CREBBP: variants seen among roughly 807,000 people sequenced by gnomAD.
The protein encoded by CREBBP is CREB-binding protein.
A neutral mutation model predicts 265.0 loss-of-function variants in CREBBP; 19 were observed. That is an observed-to-expected ratio of 0.07 (90% CI 0.05 to 0.11). CREBBP has a LOEUF of 0.11. Among genes scored for constraint, CREBBP ranks in the 10% least tolerant of loss-of-function variants. The probability of loss-of-function intolerance (pLI) is 1.00; values close to 1 mark genes in which losing one functional copy is unlikely to be tolerated. For synonymous variants in CREBBP, 1,457 were observed against 1,223.7 expected (o/e 1.19, Z -3.98); for missense variants, 2,525 against 3,219.0 (o/e 0.78, Z 5.22).
chr16:3,833,829 AAGAGAATG>A (rs1201747616), intron 2 of CREBBP, among the ~76,000 whole-genome samples: 1 of 152,214 alleles, frequency 6.6e-6, no homozygotes, highest in Non-Finnish European at 1.5e-5. Context: ...AGATAATGTC[AAGAGAATG>A]AGAAGACAAT....
At position 3,725,555 on chromosome 16, in the gene CREBBP, A is replaced by C. The variant is rs1165904520; in HGVS notation, c.*2163T>G. 4.3e-6 allele frequency: 1 copy of C among 233,326 alleles called. No individual in the cohort carries two copies. Among genetic ancestry groups the C allele is most frequent in the African/African-American group, 2.2e-5 (1 of 45,476 alleles). 14.5% of individuals were successfully genotyped at this position (233,326 alleles called of 1,614,324 possible). A position where few individuals can be genotyped will look rare whatever the true frequency, so the allele number is the denominator to read the frequency against. On this transcript the variant is annotated 3_prime_UTR_variant, in exon 31 of 31. Transcript: ENST00000262367. Reference sequence around the variant, plus strand: ...ACCCAGCAGGCCGAGCAGTGGCAGCAATCTCCACCGGAGGCCCGGCCTGTG... The same window carrying C: ...ACCCAGCAGGCCGAGCAGTGGCAGCCATCTCCACCGGAGGCCCGGCCTGTG...
chr16:3,743,353 T>C (rs900392967), intron 23 of CREBBP: 2 of 152,280 alleles, frequency 1.3e-5, no homozygotes, highest in African/African-American at 4.8e-5. Context: ...TCACAAGTTT[T>C]TAACAGAGGC....
chr16:3,768,106 C>T lies in CREBBP; in HGVS notation c.3061-197G>A, dbSNP rs546926602. ...TCATTAAGTCGCTTCAGCACAGAGT[C>T]AGTGCAATTATGGTCCTAAATTTAA... On this transcript the variant is annotated intron_variant, in intron 15 of 30. Transcript: ENST00000262367. 3.5e-4 allele frequency among the ~76,000 whole-genome samples: 47 copies of T among 133,732 alleles called. No individual in the cohort carries two copies. In the South Asian group the frequency reaches 6.5e-3, roughly 18 times the overall value. 87.7% of individuals were successfully genotyped at this position (133,732 alleles called of 152,430 possible). A position where few individuals can be genotyped will look rare whatever the true frequency, so the allele number is the denominator to read the frequency against.
In CREBBP at chr16:3,729,597, G is replaced by A. The variant is rs2151310689; in HGVS notation, c.5450C>T (p.Pro1817Leu). The change falls in exon 31 of 31, where the codon CCG (proline) becomes CTG (leucine). Residue 1817 changes from proline to leucine, a missense_variant. Physicochemically the swap from Pro to Leu is moderately conservative, Grantham distance 98. This residue lies in a region of CREBBP where 53 missense variants were observed against 146.3 expected (regional missense o/e 0.36). Transcript: ENST00000262367. Reference sequence around the variant, plus strand: ...GAGGGCGATGAGCTGCTTGCACACCGGGCAGCCCCCGTTGGTCTTGCGTTT... The same window carrying A: ...GAGGGCGATGAGCTGCTTGCACACCAGGCAGCCCCCGTTGGTCTTGCGTTT... ...GCKRKTNGGC[P>L]VCKQLIALCC... The A allele has an allele frequency of 1.2e-6, 2 of 1,614,164 alleles. No individual in the cohort carries two copies. The highest frequency in any genetic ancestry group is 1.7e-6 in the Non-Finnish European group (2 of 1,180,016).
chr16:3,785,564 T>C (rs2053366545), intron 5 of CREBBP, among the ~76,000 whole-genome samples: 1 of 152,154 alleles, frequency 6.6e-6, no homozygotes, highest in Non-Finnish European at 1.5e-5. Context: ...CTGTGCAGAG[T>C]CCAGGGGACG....
intron 2 of CREBBP, among the ~76,000 whole-genome samples, chr16:3,845,974 A>G (rs549595035): frequency 6.6e-6 from 1 of 152,276 alleles, no homozygotes; most frequent in Admixed American, 6.5e-5. Flanking sequence ...AAGCACTTCT[A>G]AAATGTGACA....
At chr16:3,817,819 A>C (rs2054067154) in intron 2 of CREBBP, among the ~76,000 whole-genome samples, 1 of 152,012 alleles carries the variant, frequency 6.6e-6, no homozygotes, top group Non-Finnish European at 1.5e-5. Flanking sequence ...GGGGCAGGGG[A>C]GGGAGCATTT....
At chr16:3,773,575 A>G (rs1196432464) in intron 13 of CREBBP, 176 bp downstream of exon 13, 1 of 680,562 alleles carries the variant, frequency 1.5e-6, no homozygotes, top group Non-Finnish European at 2.4e-6. Context: ...GAGAAATTCC[A>G]AACGAGTTAA....
At chr16:3,775,707 A>G (rs1463205704) in intron 11 of CREBBP, among the ~76,000 whole-genome samples, 1 of 152,214 alleles carries the variant, frequency 6.6e-6, no homozygotes, top group African/African-American at 2.4e-5. Context: ...AACAGCACTT[A>G]AAGAAATCTG....
intron 3 of CREBBP, among the ~76,000 whole-genome samples, chr16:3,809,673 T>A (rs1182713532): frequency 6.6e-6 from 1 of 152,216 alleles, no homozygotes; most frequent in Non-Finnish European, 1.5e-5. Context: ...CAAGGTTATG[T>A]AAGATGCATC....
chr16:3,856,112 C>A (rs1293024436), intron 1 of CREBBP, among the ~76,000 whole-genome samples: 1 of 152,130 alleles, frequency 6.6e-6, no homozygotes, highest in Non-Finnish European at 1.5e-5. Flanking sequence ...TATGTACCCC[C>A]CCAAATAACA....
intron 21 of CREBBP, among the ~76,000 whole-genome samples, chr16:3,748,104 AATAC>A (rs150411875): frequency 1.3e-5 from 2 of 150,680 alleles, no homozygotes; most frequent in South Asian, 2.1e-4. Context: ...AATAAAAATA[AATAC>A]ATACATACAT....
intron 2 of CREBBP, among the ~76,000 whole-genome samples, chr16:3,833,803 A>T (rs910205905): frequency 6.6e-5 from 10 of 152,226 alleles, no homozygotes; most frequent in African/African-American, 2.4e-4. Flanking sequence ...CATTAAAATT[A>T]AAACTGCCCC....
intron 1 of CREBBP, among the ~76,000 whole-genome samples, chr16:3,856,756 C>T (rs1287223287): frequency 1.3e-5 from 2 of 152,240 alleles, no homozygotes; most frequent in African/African-American, 2.4e-5. Flanking sequence ...ATGAAGAGAC[C>T]GTGTCAAGCA....
At chr16:3,783,750 C>T (rs2053325567) in intron 5 of CREBBP, among the ~76,000 whole-genome samples, 1 of 152,264 alleles carries the variant, frequency 6.6e-6, no homozygotes, top group South Asian at 2.1e-4. Flanking sequence ...CTGAGGCCCA[C>T]TGCTGGCTGG....
chr16:3,848,658 T>C (rs545357707), intron 2 of CREBBP, among the ~76,000 whole-genome samples: 1 of 152,304 alleles, frequency 6.6e-6, no homozygotes, highest in South Asian at 2.1e-4. Flanking sequence ...AATCATTGCT[T>C]TATACTATTA....
At chr16:3,855,877 T>C (rs1252814160) in intron 1 of CREBBP, among the ~76,000 whole-genome samples, 1 of 152,268 alleles carries the variant, frequency 6.6e-6, no homozygotes, top group Non-Finnish European at 1.5e-5. Context: ...TCATAACTAC[T>C]GTTTTGTTTG....
At chr16:3,843,919 C>T (rs533114074) in intron 2 of CREBBP, among the ~76,000 whole-genome samples, 62 of 151,642 alleles carry the variant, frequency 4.1e-4, no homozygotes, top group African/African-American at 1.2e-3. Context: ...GAGGCCGAGG[C>T]GGGCGGATCA....
In CREBBP at chr16:3,783,025, T is replaced by C. The variant is rs130026; in HGVS notation, c.1331-99A>G. ...ACTATTGAGAAGCAAATACATTTCA[T>C]CAAAATACTACACATGAATATCATA... On this transcript the variant is annotated intron_variant, in intron 5 of 30. Transcript: ENST00000262367. The C allele has an allele frequency of 1.5e-3, 2,219 of 1,436,044 alleles. 26 individuals carry two copies. In the African/African-American group the frequency reaches 0.028, roughly 18 times the overall value. The allele number at this position is 1,436,044 out of a possible 1,614,324, so 89.0% of individuals were successfully genotyped here. A position where few individuals can be genotyped will look rare whatever the true frequency, so the allele number is the denominator to read the frequency against.
Sources: gnomAD v4.1 joint callset for allele counts (sites outside exome capture counted in the v4.1 genomes callset) on GRCh38, gnomAD v4.1.1 for gene constraint, gnomAD v4.1.1 regional missense constraint, MANE v1.5 for transcripts, NCBI Gene and HGNC (gene_info 2026-07-23, HGNC 2026-07-21) for gene names.